Variants in GAK observed in about 807,000 individuals in gnomAD.
GAK encodes cyclin G associated kinase, also known as cyclin-G-associated kinase.
GAK carries 79 observed loss-of-function variants against 143.9 expected under a neutral mutation model. The ratio of observed to expected loss-of-function variants is 0.55; its 90% confidence interval spans 0.46 to 0.66. The LOEUF is 0.66. Among genes scored for constraint, GAK ranks in the 30% least tolerant of loss-of-function variants. GAK has a pLI of 0.00. For missense variants in GAK, 1,693 were observed against 1,779.7 expected (o/e 0.95, Z 0.88); for synonymous variants, 881 against 765.5 (o/e 1.15, Z -2.49).
At chr4:877,920 A>AATC in intron 15 of GAK, 111 bp from the exon 16 acceptor site, 1 of 877,192 alleles carries the variant, frequency 1.1e-6, no homozygotes, top group Non-Finnish European at 1.7e-6. Context: ...CCTTGTAGCA[A>AATC]TGTTTTAGTT....
At chr4:905,660 C>A (rs1196470969) in intron 4 of GAK, among the ~76,000 whole-genome samples, 1 of 151,826 alleles carries the variant, frequency 6.6e-6, no homozygotes, top group Non-Finnish European at 1.5e-5. Context: ...GCCACGGACT[C>A]TGCCACGTTG....
In GAK at chr4:904,722, G is replaced by A. The variant is rs748824415; in HGVS notation, c.440C>T (p.Thr147Met). 6.1e-5 allele frequency: 99 copies of A among 1,614,020 alleles called. No individual in the cohort carries two copies. Among genetic ancestry groups the A allele is most frequent in the East Asian group, 1.3e-4 (6 of 44,898 alleles). Residue 147 changes from threonine to methionine, a missense_variant, in exon 5 of 28, where the codon ACG (threonine) becomes ATG (methionine). By Grantham distance (81) the Thr-to-Met change is moderately conservative. This residue lies in a region of GAK where 871 missense variants were observed against 991.0 expected (regional missense o/e 0.88). Coordinates refer to ENST00000314167, the MANE Select transcript of GAK (RefSeq NM_005255.4). ...MESRGPLSCDTVLKIFYQTCR... is the reference protein window; with the variant it reads ...MESRGPLSCDMVLKIFYQTCR... Reference sequence around the variant, plus strand: ...CGTCTGGTAGAAGATCTTCAGAACCGTGTCGCACGAAAGGGGGCCTCGAGA... The same window carrying A: ...CGTCTGGTAGAAGATCTTCAGAACCATGTCGCACGAAAGGGGGCCTCGAGA...
chr4:865,603 C>T (rs1298512718), intron 22 of GAK, among the ~76,000 whole-genome samples: 1 of 152,246 alleles, frequency 6.6e-6, no homozygotes, highest in Non-Finnish European at 1.5e-5. Context: ...GGTGGCTCCA[C>T]CTGGCTGAGC....
intron 4 of GAK, among the ~76,000 whole-genome samples, chr4:907,470 T>TG (rs1721286118): frequency 6.6e-6 from 1 of 151,918 alleles, no homozygotes; most frequent in African/African-American, 2.4e-5. Flanking sequence ...GGAGTCAGAG[T>TG]GGGGGTGACT....
chr4:913,170 C>T (rs921327445), intron 2 of GAK, among the ~76,000 whole-genome samples: 2 of 152,246 alleles, frequency 1.3e-5, no homozygotes, highest in Non-Finnish European at 2.9e-5. Context: ...TGGTGCCCAG[C>T]GTGGTGACAG....
Position 877,805 on chromosome 4 carries a change from T to C in GAK, c.1666A>G (p.Ile556Val), listed in dbSNP as rs762972420. The change falls in exon 16 of 28, where the codon ATC (isoleucine) becomes GTC (valine). Residue 556 changes from isoleucine to valine, a missense_variant. Physicochemically the swap from Ile to Val is conservative, Grantham distance 29. Coordinates refer to ENST00000314167, the MANE Select transcript of GAK (RefSeq NM_005255.4). ...GCCACCATGTCACACATGTACTCGA[T>C]GTACCTGGGGGCAGACGTGCCGCGT... ...PGIWPSHKRYIEYMCDMVAEE... is the reference protein window; with the variant it reads ...PGIWPSHKRYVEYMCDMVAEE... The C allele has an allele frequency of 8.8e-6, 14 of 1,593,014 alleles. No homozygotes were observed. Among genetic ancestry groups the C allele is most frequent in the Non-Finnish European group, 1.2e-5 (14 of 1,168,180 alleles).
chr4:888,073 C>G (rs1470117852), intron 11 of GAK: 4 of 152,260 alleles, frequency 2.6e-5, no homozygotes, highest in Admixed American at 2.0e-4. Flanking sequence ...GATCACAGCA[C>G]AGAACAAAAA....
intron 5 of GAK, among the ~76,000 whole-genome samples, chr4:902,596 C>CAAAAAAAAAAAAAAAAAACAAAA (rs1720095639): frequency 1.6e-5 from 1 of 60,730 alleles, no homozygotes; most frequent in African/African-American, 8.2e-5. Context: ...GTGACTGACT[C>CAAAAAAAAAAAAAAAAAACAAAA]AAAAAAAAAA....
chr4:932,286 G>T lies in GAK; in HGVS notation c.-99C>A. On this transcript the variant is annotated 5_prime_UTR_variant, in exon 1 of 28. Transcript: ENST00000314167. This position sits in a 1 kb window ranked among gnomAD's most constrained non-coding sequence, Gnocchi z 4.0. ...CAGCTCAGCAACCGCCGGCCCGGAG[G>T]TGCACCATCTTCCGCCTCGACGCCG... 4 of 1,395,234 alleles carry T rather than the reference G, an allele frequency of 2.9e-6. No individual in the cohort carries two copies. The highest frequency in any genetic ancestry group is 3.7e-6 in the Non-Finnish European group (4 of 1,083,254). The allele number at this position is 1,395,234 out of a possible 1,614,324, so 86.4% of individuals were successfully genotyped here.
At chr4:894,490 CA>C (rs199722125) in intron 7 of GAK, 2,638 of 156,514 alleles carry the variant, frequency 0.017, 34 homozygotes, top group South Asian at 0.033. Context: ...GCACCGCAGA[CA>C]TGGTGACTGG....
At chr4:904,814 A>T in intron 4 of GAK, 35 bp from the exon 5 acceptor site, 17 of 1,607,256 alleles carry the variant, frequency 1.1e-5, no homozygotes, top group Non-Finnish European at 1.4e-5. Flanking sequence ...GAGGCAGGAG[A>T]ACAGGGTCCG....
At chr4:899,997 C>T (rs928543107) in intron 5 of GAK, among the ~76,000 whole-genome samples, 1 of 152,108 alleles carries the variant, frequency 6.6e-6, no homozygotes, top group Non-Finnish European at 1.5e-5. Flanking sequence ...AGATGCAGAG[C>T]GTGGGGCGAG....
chr4:851,353 C>T, intron 25 of GAK: 1 of 449,666 alleles, frequency 2.2e-6, no homozygotes. Context: ...GCCTCAGCCT[C>T]CCAAAGTGCT....
In GAK at chr4:882,498, C is replaced by G. The variant is rs556137654; in HGVS notation, c.1527+199G>C. Among the ~76,000 whole-genome samples the G allele has an allele frequency of 9.7e-4, 148 of 152,308 alleles. 1 individual carries two copies. The highest frequency in any genetic ancestry group is 1.7e-3 in the African/African-American group (71 of 41,570). ...GCATGCAGGTCAAGGCCAGGAAGGG[C>G]CACATGGGGAGGGAAGGGCGGGGCC... On this transcript the variant is annotated intron_variant, in intron 14 of 27. Transcript: ENST00000314167.
intron 9 of GAK, among the ~76,000 whole-genome samples, chr4:891,972 C>A (rs1042524618): frequency 1.3e-5 from 2 of 152,200 alleles, no homozygotes; most frequent in African/African-American, 2.4e-5. Flanking sequence ...TGCTGGTGCA[C>A]CCACCATGAT....
rs1726019390 is a variant in GAK, at chr4:932,243, C to T, written c.-56G>A. ...CGGAGTGGTCGGGCTCGGGCTCCCG[C>T]TCCCTCGCCGTCCGGGTCAGCTCAG... On this transcript the variant is annotated 5_prime_UTR_variant, in exon 1 of 28. Transcript: ENST00000314167. The surrounding 1 kb of genome is among the most constrained non-coding windows in gnomAD (Gnocchi z 4.0). The T allele has an allele frequency of 1.2e-5, 18 of 1,470,180 alleles. No individual in the cohort carries two copies. The Admixed American group carries it at 1.7e-4, about 14-fold the overall frequency. The allele number at this position is 1,470,180 out of a possible 1,614,324, so 91.1% of individuals were successfully genotyped here.
chr4:890,325 C>T (rs1433547767), intron 10 of GAK, among the ~76,000 whole-genome samples: 1 of 152,190 alleles, frequency 6.6e-6, no homozygotes, highest in Non-Finnish European at 1.5e-5. Context: ...CTGAACTGCA[C>T]CAAGACACCA....
intron 4 of GAK, among the ~76,000 whole-genome samples, chr4:905,456 GCTCCGCCACGCCCCATGCCATGCTACGGA>G (rs1160084047): frequency 0.022 from 3,140 of 142,816 alleles, 150 homozygotes; most frequent in African/African-American, 0.06. Flanking sequence ...CACGCTAGGG[GCTCCGCCACGCCCCATGCCATGCTACGGA>G]CTCCGCCACG....
intron 1 of GAK, among the ~76,000 whole-genome samples, chr4:921,516 C>A (rs1229898679): frequency 1.3e-5 from 2 of 152,144 alleles, no homozygotes; most frequent in Non-Finnish European, 2.9e-5. Context: ...TAAACACGGA[C>A]ATAAATCTGC....
Sources: allele counts gnomAD v4.1 joint callset (sites outside exome capture counted in the v4.1 genomes callset), GRCh38; gene constraint gnomAD v4.1.1; regional missense constraint gnomAD v4.1.1; non-coding constraint Gnocchi (gnomAD v3.1); transcripts MANE v1.5; gene names NCBI Gene and HGNC (gene_info 2026-07-23, HGNC 2026-07-21).